ASAP1: variants seen among roughly 807,000 people sequenced by gnomAD.
The protein encoded by ASAP1 is ArfGAP with SH3 domain, ankyrin repeat and PH domain 1, also known as arf-GAP with SH3 domain, ANK repeat and PH domain-containing protein 1.
ASAP1 carries 43 observed loss-of-function variants against 145.2 expected under a neutral mutation model. The observed-to-expected ratio is 0.30, with a 90% confidence interval of 0.23 to 0.38. The LOEUF (loss-of-function observed/expected upper bound fraction) is 0.38, where lower values mean the gene tolerates loss of function less well. Ranked by LOEUF, ASAP1 falls within the 10% of genes least tolerant of loss-of-function variation. ASAP1 has a pLI of 1.00. For synonymous variants in ASAP1, 546 were observed against 515.5 expected (o/e 1.06, Z -0.80); for missense variants, 1,018 against 1,355.3 (o/e 0.75, Z 3.91).
chr8:130,339,948 C>A (rs145772206), intron 3 of ASAP1, among the ~76,000 whole-genome samples: 1 of 152,328 alleles, frequency 6.6e-6, no homozygotes, highest in Non-Finnish European at 1.5e-5. Context: ...ATCCTCACTT[C>A]CACCATACAC....
chr8:130,257,786 A>ACC (rs11392655), intron 3 of ASAP1, among the ~76,000 whole-genome samples: 12,019 of 131,702 alleles, frequency 0.091, 618 homozygotes, highest in African/African-American at 0.11. Flanking sequence ...ACTCAAGAGC[A>ACC]CCCCCCCCCC....
intron 3 of ASAP1, among the ~76,000 whole-genome samples, chr8:130,276,891 C>T (rs186153710): frequency 1.3e-5 from 2 of 152,172 alleles, no homozygotes; most frequent in East Asian, 1.9e-4. Flanking sequence ...GTGCCAGGAG[C>T]GGTCTTGGCA....
chr8:130,097,414 C>T (rs759625778), intron 24 of ASAP1, among the ~76,000 whole-genome samples: 18 of 152,164 alleles, frequency 1.2e-4, no homozygotes, highest in Non-Finnish European at 1.5e-4. Context: ...ATCCCCATCC[C>T]TGACCCTGGC....
chr8:130,200,757 T>C (rs1460419230), intron 5 of ASAP1, among the ~76,000 whole-genome samples: 1 of 152,296 alleles, frequency 6.6e-6, no homozygotes, highest in East Asian at 1.9e-4. Context: ...TACAAAGTTA[T>C]TAAAAAGAAA....
At chr8:130,318,839 G>T (rs1252349765) in intron 3 of ASAP1, among the ~76,000 whole-genome samples, 1 of 152,110 alleles carries the variant, frequency 6.6e-6, no homozygotes, top group East Asian at 1.9e-4. Flanking sequence ...AAATGGAGTG[G>T]CCAATGGAAA....
chr8:130,120,574 G>A (rs1426578428), intron 18 of ASAP1, among the ~76,000 whole-genome samples: 1 of 152,196 alleles, frequency 6.6e-6, no homozygotes, highest in Non-Finnish European at 1.5e-5. Flanking sequence ...GCAAAGTTGC[G>A]GGGAGGTAGA....
intron 3 of ASAP1, among the ~76,000 whole-genome samples, chr8:130,252,762 A>T (rs1819279282): frequency 6.6e-6 from 1 of 152,180 alleles, no homozygotes; most frequent in African/African-American, 2.4e-5. Context: ...ATTCTTGGGA[A>T]AATAATAATT....
At chr8:130,188,693 C>CAG (rs398113025) in intron 5 of ASAP1, among the ~76,000 whole-genome samples, 1 of 133,998 alleles carries the variant, frequency 7.5e-6, no homozygotes, top group Non-Finnish European at 1.5e-5. Flanking sequence ...GAGATCACCA[C>CAG]TGCATTCCAG....
intron 9 of ASAP1, among the ~76,000 whole-genome samples, chr8:130,174,324 TA>T (rs1285847140): frequency 2.6e-5 from 4 of 152,196 alleles, no homozygotes; most frequent in Non-Finnish European, 4.4e-5. Context: ...GAGTTCTGAC[TA>T]CCTATCACTA....
intron 1 of ASAP1, among the ~76,000 whole-genome samples, chr8:130,439,481 T>C (rs1167905092): frequency 1.3e-5 from 2 of 151,886 alleles, no homozygotes; most frequent in African/African-American, 2.4e-5. Context: ...CCCCCATCAA[T>C]AATAATAATA....
chr8:130,246,578 C>T (rs149970710), intron 3 of ASAP1, among the ~76,000 whole-genome samples: 375 of 152,268 alleles, frequency 2.5e-3, no homozygotes, highest in African/African-American at 8.7e-3. Flanking sequence ...GTGCTTGCTT[C>T]GTCTTTGCCT....
At chr8:130,258,908 T>C (rs539922971) in intron 3 of ASAP1, among the ~76,000 whole-genome samples, 13 of 152,196 alleles carry the variant, frequency 8.5e-5, no homozygotes, top group Non-Finnish European at 1.5e-4. Flanking sequence ...ATGCCTTCCC[T>C]ACTCCTCTCC....
At chr8:130,163,541 T>C (rs115405003) in intron 11 of ASAP1, among the ~76,000 whole-genome samples, 1,699 of 152,328 alleles carry the variant, frequency 0.011, 29 homozygotes, top group African/African-American at 0.039. Context: ...CTAAATTAAC[T>C]ATGAATGAGT....
At chr8:130,145,118 T>C (rs201996911) in intron 13 of ASAP1, among the ~76,000 whole-genome samples, 3 of 152,344 alleles carry the variant, frequency 2.0e-5, no homozygotes, top group East Asian at 3.9e-4. Flanking sequence ...TCTGCAAATA[T>C]GTATTAAGTA....
chr8:130,394,455 A>G (rs1012728431), intron 2 of ASAP1, among the ~76,000 whole-genome samples: 2 of 152,184 alleles, frequency 1.3e-5, no homozygotes, highest in Non-Finnish European at 2.9e-5. Flanking sequence ...CAAACATGTT[A>G]TCAATGACAA....
intron 3 of ASAP1, among the ~76,000 whole-genome samples, chr8:130,316,462 G>C (rs1394575643): frequency 6.6e-6 from 1 of 152,162 alleles, no homozygotes; most frequent in East Asian, 1.9e-4. Flanking sequence ...TAGAATCCTG[G>C]TTTTTACCAG....
intron 3 of ASAP1, among the ~76,000 whole-genome samples, chr8:130,341,594 T>G (rs1160132959): frequency 6.6e-6 from 1 of 152,234 alleles, no homozygotes; most frequent in Non-Finnish European, 1.5e-5. Context: ...GTCAACAGCC[T>G]GGCACCTCTT....
chr8:130,180,649 TAATC>T (rs1251698191), intron 8 of ASAP1, 98 bp downstream of exon 8: 1 of 1,359,058 alleles, frequency 7.4e-7, no homozygotes, highest in South Asian at 1.4e-5. Context: ...TCCTCTCTAA[TAATC>T]AAACAGAGTC....
Position 130,069,099 on chromosome 8 carries a change from G to A in ASAP1, c.2701+7249C>T, listed in dbSNP as rs575385708. Among the ~76,000 whole-genome samples, 5 of 152,268 alleles carry A rather than the reference G, an allele frequency of 3.3e-5. No individual in the cohort carries two copies. In the East Asian group the frequency reaches 7.7e-4, roughly 23 times the overall value. On this transcript the variant is annotated intron_variant, in intron 27 of 29. Coordinates refer to ENST00000518721, the MANE Select transcript of ASAP1 (RefSeq NM_018482.4). ...TTTAAAATGGTTATTAACAAATAAGGTGAAGAAAACACTGATAGGATAAAA... is the reference window on the plus strand; with the variant it reads ...TTTAAAATGGTTATTAACAAATAAGATGAAGAAAACACTGATAGGATAAAA...
Sources: gnomAD v4.1 joint callset for allele counts (sites outside exome capture counted in the v4.1 genomes callset) on GRCh38, gnomAD v4.1.1 for gene constraint, MANE v1.5 for transcripts, NCBI Gene and HGNC (gene_info 2026-07-23, HGNC 2026-07-21) for gene names.